The following ARNT2 variants were observed in gnomAD, a reference collection of about 807,000 sequenced individuals.
The protein encoded by ARNT2 is ARNT protein 2.
Under a neutral mutation model 91.7 loss-of-function variants are expected in ARNT2, and 36 were observed. That is an observed-to-expected ratio of 0.39 (90% confidence interval 0.30 to 0.52). The LOEUF (loss-of-function observed/expected upper bound fraction) is 0.52. Among genes scored for constraint, ARNT2 ranks in the 20% least tolerant of loss-of-function variants. The probability of loss-of-function intolerance (pLI) is 0.72; values close to 1 mark genes in which losing one functional copy is unlikely to be tolerated. For synonymous variants in ARNT2, 365 were observed against 347.1 expected (o/e 1.05, Z -0.57); for missense variants, 775 against 939.3 (o/e 0.83, Z 2.29).
At chr15:80,452,158 G>T (rs1024137264) in intron 2 of ARNT2, among the ~76,000 whole-genome samples, 1 of 152,212 alleles carries the variant, frequency 6.6e-6, no homozygotes, top group Non-Finnish European at 1.5e-5. Context: ...AGACTGTTAT[G>T]TGTGTTGTAT....
intron 5 of ARNT2, among the ~76,000 whole-genome samples, chr15:80,492,751 A>G (rs975583975): frequency 1.3e-5 from 2 of 151,992 alleles, no homozygotes; most frequent in African/African-American, 4.8e-5. Flanking sequence ...GTTTCTTTTA[A>G]TTCATTGATT....
At chr15:80,527,693 A>T (rs1027202725) in intron 8 of ARNT2, among the ~76,000 whole-genome samples, 12 of 152,232 alleles carry the variant, frequency 7.9e-5, no homozygotes, top group Non-Finnish European at 1.6e-4. Context: ...CTCCATGAGG[A>T]TTGGAATAGT....
chr15:80,546,962 C>CA (rs373390956), intron 8 of ARNT2, among the ~76,000 whole-genome samples: 3,746 of 133,688 alleles, frequency 0.028, 43 homozygotes, highest in East Asian at 0.08. Context: ...AACTCCATCT[C>CA]AAAAAAAAAA....
At chr15:80,539,130 T>A (rs1034604231) in intron 8 of ARNT2, among the ~76,000 whole-genome samples, 1 of 152,038 alleles carries the variant, frequency 6.6e-6, no homozygotes, top group African/African-American at 2.4e-5. Context: ...TATGGGCAAA[T>A]TATTTAAACA....
intron 9 of ARNT2, among the ~76,000 whole-genome samples, chr15:80,551,519 G>A (rs1326875251): frequency 6.6e-6 from 1 of 152,162 alleles, no homozygotes; most frequent in Non-Finnish European, 1.5e-5. Context: ...TGTGCTGGTT[G>A]CCACAAACTT....
intron 8 of ARNT2, among the ~76,000 whole-genome samples, chr15:80,529,286 T>G (rs1897697364): frequency 1.3e-5 from 2 of 152,148 alleles, no homozygotes; most frequent in Admixed American, 1.3e-4. Context: ...CTGTTGTAAG[T>G]TTTGGAGGGA....
chr15:80,461,592 C>T (rs1896554437), intron 3 of ARNT2, among the ~76,000 whole-genome samples: 1 of 152,046 alleles, frequency 6.6e-6, no homozygotes, highest in Non-Finnish European at 1.5e-5. Context: ...GAGGTCAGTC[C>T]TGGGAGCAGA....
intron 8 of ARNT2, among the ~76,000 whole-genome samples, chr15:80,533,726 G>A (rs1897778244): frequency 6.6e-6 from 1 of 152,258 alleles, no homozygotes; most frequent in South Asian, 2.1e-4. Flanking sequence ...TGCCTCCCTT[G>A]AGAAATGACC....
chr15:80,506,554 G>T (rs2141422850), intron 5 of ARNT2, among the ~76,000 whole-genome samples: 1 of 152,332 alleles, frequency 6.6e-6, no homozygotes, highest in South Asian at 2.1e-4. Flanking sequence ...ACCAAACTAA[G>T]TTAGGATGCT....
At chr15:80,433,242 A>ATTTTATTTTAT (rs1555455359) in intron 1 of ARNT2, among the ~76,000 whole-genome samples, 17,436 of 62,334 alleles carry the variant, frequency 0.28, 1,419 homozygotes, top group Non-Finnish European at 0.32. Context: ...TATTTATTTT[A>ATTTTATTTTAT]TTTTATTTTA....
At chr15:80,525,548 A>C (rs1897626136) in intron 8 of ARNT2, among the ~76,000 whole-genome samples, 1 of 150,188 alleles carries the variant, frequency 6.7e-6, no homozygotes, top group Non-Finnish European at 1.5e-5. Context: ...GAAGGGGAGG[A>C]TGGAAGGAGG....
chr15:80,564,730 T>A (rs1898445007), intron 12 of ARNT2, among the ~76,000 whole-genome samples: 1 of 148,648 alleles, frequency 6.7e-6, no homozygotes, highest in Non-Finnish European at 1.5e-5. Context: ...CCCATCTTTA[T>A]GTCTGTGAGT....
chr15:80,442,687 C>T, intron 1 of ARNT2: 1 of 234,622 alleles, frequency 4.3e-6, no homozygotes, highest in Non-Finnish European at 7.0e-6. Flanking sequence ...CCCCCTGATT[C>T]AATGAACCGA....
intron 8 of ARNT2, among the ~76,000 whole-genome samples, chr15:80,530,020 C>T (rs1456780944): frequency 1.3e-5 from 2 of 152,130 alleles, no homozygotes; most frequent in African/African-American, 2.4e-5. Context: ...TTAAGAAAGT[C>T]TCCTTTTCTA....
intron 1 of ARNT2, among the ~76,000 whole-genome samples, chr15:80,414,764 T>A (rs1895752837): frequency 1.0e-5 from 1 of 99,084 alleles, no homozygotes; most frequent in African/African-American, 4.0e-5. Context: ...GTGTTCTCTC[T>A]CTCTTTTTTT....
At chr15:80,441,171 T>C (rs1008115665) in intron 1 of ARNT2, 1 of 972,888 alleles carries the variant, frequency 1.0e-6, no homozygotes, top group Non-Finnish European at 1.2e-6. Flanking sequence ...TGCAAATAAA[T>C]TGATCAGTAT....
At chr15:80,444,877 T>A (rs1006654138) in intron 1 of ARNT2, 4 of 151,640 alleles carry the variant, frequency 2.6e-5, no homozygotes, top group Middle Eastern at 3.4e-3. Context: ...GTGTGTGGTG[T>A]GTTGGTGTGA....
chr15:80,421,975 G>A (rs1895866953), intron 1 of ARNT2, among the ~76,000 whole-genome samples: 1 of 152,174 alleles, frequency 6.6e-6, no homozygotes, highest in African/African-American at 2.4e-5. Flanking sequence ...CAACACAGAT[G>A]AATAGAGAAT....
Position 80,594,031 on chromosome 15 carries a change from G to T in ARNT2, c.*333G>T. On this transcript the variant is annotated 3_prime_UTR_variant, in exon 19 of 19. Transcript: ENST00000303329. ...GACAATTTATACCCATGAAAGTTCA[G>T]CCAATGCCCAGAGTGACCAAGCAGC... 4.3e-6 allele frequency: 1 copy of T among 230,082 alleles called. No homozygotes were observed. The allele number at this position is 230,082 out of a possible 1,614,324, so 14.3% of individuals were successfully genotyped here. A position where few individuals can be genotyped will look rare whatever the true frequency, so the allele number is the denominator to read the frequency against.
Sources: allele counts gnomAD v4.1 joint callset (sites outside exome capture counted in the v4.1 genomes callset), GRCh38; gene constraint gnomAD v4.1.1; transcripts MANE v1.5; gene names NCBI Gene and HGNC (gene_info 2026-07-23, HGNC 2026-07-21).